The following NSMCE2 variants were observed in gnomAD, a reference collection of about 807,000 sequenced individuals.
NSMCE2 encodes E3 SUMO-protein ligase NSE2.
A neutral mutation model predicts 23.8 loss-of-function variants in NSMCE2; 24 were observed. The ratio of observed to expected loss-of-function variants is 1.01; its 90% CI spans 0.73 to 1.42. The LOEUF (loss-of-function observed/expected upper bound fraction) is 1.42, where lower values mean the gene tolerates loss of function less well. NSMCE2 is among the 40% of genes most tolerant of loss of function. The pLI, the probability that NSMCE2 is intolerant of heterozygous loss-of-function variation, is 0.00. For missense variants in NSMCE2, 284 were observed against 296.5 expected, an observed-to-expected ratio of 0.96 and a Z score of 0.31; for synonymous variants, 92 against 94.1, an observed-to-expected ratio of 0.98 and a Z score of 0.13.
chr8:125,093,245 T>A, intron 1 of NSMCE2, among the ~76,000 whole-genome samples: 1 of 152,242 alleles, frequency 6.6e-6, no homozygotes, highest in East Asian at 1.9e-4. Context: ...AAAAGGGCAC[T>A]AATCTTATTC....
Position 125,324,821 on chromosome 8 carries a change from G to A in NSMCE2, c.419-32398G>A, listed in dbSNP as rs1406471657. 1.5e-4 allele frequency among the ~76,000 whole-genome samples: 9 copies of A among 59,594 alleles called. 2 individuals carry two copies. Among genetic ancestry groups the A allele is most frequent in the Non-Finnish European group, 2.2e-4 (4 of 18,564 alleles). 39.1% of individuals were successfully genotyped at this position (59,594 alleles called of 152,430 possible). A position where few individuals can be genotyped will look rare whatever the true frequency, so the allele number is the denominator to read the frequency against. ...GATCTCCTGACCTCGTGATCCGCCC[G>A]CCTCGGCCTCCCAAAGTGCTGGGAT... On this transcript the variant is annotated intron_variant, in intron 5 of 7. Transcript: ENST00000287437.
chr8:125,154,375 C>T (rs549369419), intron 4 of NSMCE2, among the ~76,000 whole-genome samples: 21 of 151,930 alleles, frequency 1.4e-4, no homozygotes, highest in Non-Finnish European at 8.8e-5. Context: ...ACCAACAATC[C>T]CTGGGAAGTC....
At chr8:125,312,484 CGTGG>C (rs937622150) in intron 5 of NSMCE2, among the ~76,000 whole-genome samples, 7 of 151,868 alleles carry the variant, frequency 4.6e-5, no homozygotes, top group Middle Eastern at 6.8e-3. Flanking sequence ...ATTAGCCGGG[CGTGG>C]GTGGCACACG....
chr8:125,163,197 A>G (rs754446400), intron 4 of NSMCE2, among the ~76,000 whole-genome samples: 1 of 152,106 alleles, frequency 6.6e-6, no homozygotes, highest in Non-Finnish European at 1.5e-5. Flanking sequence ...AAAAACCCTG[A>G]CTCTACAAAA....
chr8:125,238,019 ATATT>A (rs1825626578), intron 5 of NSMCE2, among the ~76,000 whole-genome samples: 1 of 152,166 alleles, frequency 6.6e-6, no homozygotes, highest in Non-Finnish European at 1.5e-5. Context: ...AAGAGAATAT[ATATT>A]GTAGATGCTA....
chr8:125,101,670 T>C (rs1818197514), intron 1 of NSMCE2, among the ~76,000 whole-genome samples: 1 of 152,164 alleles, frequency 6.6e-6, no homozygotes, highest in South Asian at 2.1e-4. Flanking sequence ...AAACAAATTG[T>C]GGTTGAAGAT....
At chr8:125,302,037 C>T (rs545604565) in intron 5 of NSMCE2, among the ~76,000 whole-genome samples, 1 of 151,894 alleles carries the variant, frequency 6.6e-6, no homozygotes, top group Non-Finnish European at 1.5e-5. Flanking sequence ...TCAGCTCACT[C>T]AAATTCTGCC....
At chr8:125,102,824 G>A (rs1285351184) in intron 3 of NSMCE2, among the ~76,000 whole-genome samples, 3 of 152,118 alleles carry the variant, frequency 2.0e-5, no homozygotes, top group African/African-American at 7.2e-5. Context: ...TTATTTTTCA[G>A]TAGTTTATAC....
In NSMCE2 at chr8:125,102,296, T is replaced by C. The variant is rs184276270; in HGVS notation, c.-14-21T>C. Reference sequence around the variant, plus strand: ...ATTATTCTGACTTACGAATCTTGTTTCATTGTGTTTGAAAACTTAGGTACT... The same window carrying C: ...ATTATTCTGACTTACGAATCTTGTTCCATTGTGTTTGAAAACTTAGGTACT... On this transcript the variant is annotated intron_variant, in intron 2 of 7. Transcript: ENST00000287437. The C allele has an allele frequency of 7.0e-6, 11 of 1,565,194 alleles. No homozygotes were observed. In the African/African-American group the frequency reaches 9.5e-5, roughly 13 times the overall value.
intron 3 of NSMCE2, among the ~76,000 whole-genome samples, chr8:125,148,961 A>T (rs1490392062): frequency 6.6e-6 from 1 of 152,188 alleles, no homozygotes; most frequent in Non-Finnish European, 1.5e-5. Context: ...ATGATTTTTA[A>T]CAAATGGTTG....
chr8:125,357,901 AC>A (rs1813354617), intron 7 of NSMCE2, 83 bp downstream of exon 7: 7 of 893,602 alleles, frequency 7.8e-6, no homozygotes, highest in African/African-American at 1.6e-5. Context: ...AGGAAGAGGC[AC>A]TTCAATGTCT....
At chr8:125,177,747 A>T (rs935928010) in intron 4 of NSMCE2, among the ~76,000 whole-genome samples, 5 of 152,206 alleles carry the variant, frequency 3.3e-5, no homozygotes, top group Admixed American at 3.3e-4. Flanking sequence ...GCACTTCTCT[A>T]ATGGAAATTT....
chr8:125,274,999 GATAATAATAATAATAATA>G lies in NSMCE2; in HGVS notation c.419-82200_419-82183del, dbSNP rs72261443. Among the ~76,000 whole-genome samples the G allele has an allele frequency of 8.3e-3, 1,175 of 142,414 alleles. 24 individuals are homozygous for G. Among genetic ancestry groups the G allele is most frequent in the African/African-American group, 0.027 (1,053 of 38,420 alleles). The allele number at this position is 142,414 out of a possible 152,430, so 93.4% of individuals were successfully genotyped here. A position where few individuals can be genotyped will look rare whatever the true frequency, so the allele number is the denominator to read the frequency against. On this transcript the variant is annotated intron_variant, in intron 5 of 7. Transcript: ENST00000287437. ...CAATTTTTCAGGACAATCTGAAGAT[GATAATAATAATAATAATA>G]ATAATAATAATAATAATAAATAGAA... is the stretch of plus-strand genomic sequence containing the variant.
At chr8:125,280,559 T>A (rs763251862) in intron 5 of NSMCE2, among the ~76,000 whole-genome samples, 1 of 152,212 alleles carries the variant, frequency 6.6e-6, no homozygotes, top group Non-Finnish European at 1.5e-5. Flanking sequence ...AACTACATAT[T>A]CACTATCATC....
chr8:125,344,840 A>T (rs1830377817), intron 5 of NSMCE2, among the ~76,000 whole-genome samples: 1 of 151,970 alleles, frequency 6.6e-6, no homozygotes. Context: ...CATGTTGAAG[A>T]TTATTTTTAA....
chr8:125,191,204 C>T (rs1823329696), intron 5 of NSMCE2, among the ~76,000 whole-genome samples: 1 of 152,060 alleles, frequency 6.6e-6, no homozygotes, highest in African/African-American at 2.4e-5. Flanking sequence ...TCTTTCAGCT[C>T]TATTAGATGG....
intron 5 of NSMCE2, among the ~76,000 whole-genome samples, chr8:125,192,328 GGT>G (rs1491297841): frequency 1.4e-5 from 2 of 140,670 alleles, no homozygotes; most frequent in African/African-American, 5.2e-5. Flanking sequence ...ATTTTTAAAA[GGT>G]TTTTTTTTTT....
intron 5 of NSMCE2, among the ~76,000 whole-genome samples, chr8:125,191,357 A>G (rs1478961398): frequency 1.3e-5 from 2 of 152,050 alleles, no homozygotes; most frequent in African/African-American, 4.8e-5. Flanking sequence ...TCTTGAAAAC[A>G]CTTTTGTGTG....
At chr8:125,357,161 C>A (rs893364066) in intron 5 of NSMCE2, 58 bp from the exon 6 acceptor site, 88 of 1,152,578 alleles carry the variant, frequency 7.6e-5, no homozygotes, top group Admixed American at 1.6e-4. Flanking sequence ...TCCTTCCATT[C>A]CTTCCTTTTC....
Sources: allele counts gnomAD v4.1 joint callset (sites outside exome capture counted in the v4.1 genomes callset), GRCh38; gene constraint gnomAD v4.1.1; transcripts MANE v1.5; gene names NCBI Gene and HGNC (gene_info 2026-07-23, HGNC 2026-07-21).